RAB38: variants seen among roughly 807,000 people sequenced by gnomAD.
The protein encoded by RAB38 is ras-related protein Rab-38.
Under a neutral mutation model 18.4 loss-of-function variants are expected in RAB38, and 15 were observed. The ratio of observed to expected loss-of-function variants is 0.82; its 90% CI spans 0.55 to 1.26. RAB38 has a LOEUF of 1.26. Ranked by LOEUF, RAB38 falls within the 50% of genes most tolerant of loss-of-function variation. RAB38 has a pLI of 0.00. For synonymous variants in RAB38, 101 were observed against 104.4 expected (o/e 0.97, Z 0.20); for missense variants, 294 against 267.4 (o/e 1.10, Z -0.69).
chr11:88,091,479 A>T, the RAB38 span, among the ~76,000 whole-genome samples: 1 of 151,862 alleles, frequency 6.6e-6, no homozygotes, highest in Non-Finnish European at 1.5e-5. Context: ...ACCATCTCTC[A>T]CCAATTGCCA....
the RAB38 span, among the ~76,000 whole-genome samples, chr11:88,103,685 A>G: frequency 6.6e-6 from 1 of 152,166 alleles, no homozygotes; most frequent in Non-Finnish European, 1.5e-5. Context: ...ACACTGTGCC[A>G]GTTTTCAATT....
At chr11:88,057,851 T>A in the RAB38 span, among the ~76,000 whole-genome samples, 1 of 152,080 alleles carries the variant, frequency 6.6e-6, no homozygotes. Flanking sequence ...CTCTACCCCC[T>A]GCAAAATTAC....
chr11:87,893,748 T>C, the RAB38 span, among the ~76,000 whole-genome samples: 478 of 151,742 alleles, frequency 3.2e-3, 3 homozygotes, highest in African/African-American at 0.011. Context: ...TTGGCTACTT[T>C]AGCTACTTTG....
intron 2 of RAB38, among the ~76,000 whole-genome samples, chr11:88,146,607 A>G (rs988962512): frequency 6.6e-6 from 1 of 152,228 alleles, no homozygotes; most frequent in Non-Finnish European, 1.5e-5. Context: ...TCAGAAAGTT[A>G]GCAGAGCTTT....
the RAB38 span, among the ~76,000 whole-genome samples, chr11:88,083,236 T>G: frequency 9.0e-4 from 137 of 151,988 alleles, 1 homozygote; most frequent in African/African-American, 3.2e-3. Flanking sequence ...TTATACTTTT[T>G]CCCAACTTAC....
chr11:88,088,250 G>A, the RAB38 span, among the ~76,000 whole-genome samples: 2 of 151,950 alleles, frequency 1.3e-5, no homozygotes, highest in Non-Finnish European at 2.9e-5. Flanking sequence ...TCCACCCACA[G>A]CATCAATTAT....
the RAB38 span, among the ~76,000 whole-genome samples, chr11:87,915,974 T>C: frequency 6.6e-6 from 1 of 152,140 alleles, no homozygotes; most frequent in Non-Finnish European, 1.5e-5. Context: ...GCTTGGGGCC[T>C]GTTGTTAGTT....
chr11:87,854,860 T>A, the RAB38 span, among the ~76,000 whole-genome samples: 11 of 152,190 alleles, frequency 7.2e-5, no homozygotes, highest in Admixed American at 5.9e-4. Flanking sequence ...AGTGGTGTGA[T>A]CTTGGCTCAT....
the RAB38 span, among the ~76,000 whole-genome samples, chr11:88,026,561 A>G: frequency 5.3e-5 from 5 of 94,754 alleles, no homozygotes; most frequent in Non-Finnish European, 1.0e-4. Flanking sequence ...AGACTCTGTC[A>G]CAAAAAAAAA....
chr11:87,808,011 G>T, the RAB38 span, among the ~76,000 whole-genome samples: 2 of 152,192 alleles, frequency 1.3e-5, no homozygotes, highest in African/African-American at 4.8e-5. Flanking sequence ...GTGTGTTGCA[G>T]AGTCTCAGCT....
At chr11:87,946,096 C>T in the RAB38 span, among the ~76,000 whole-genome samples, 2 of 152,130 alleles carry the variant, frequency 1.3e-5, no homozygotes, top group East Asian at 1.9e-4. Context: ...TTAGCAATCT[C>T]AGTTCAATAG....
the RAB38 span, among the ~76,000 whole-genome samples, chr11:88,103,673 A>C: frequency 5.3e-5 from 8 of 152,176 alleles, 1 homozygote; most frequent in Admixed American, 3.9e-4. Flanking sequence ...ACTCTAATTA[A>C]TACACTGTGC....
chr11:88,130,502 A>T (rs1942753651), intron 2 of RAB38, among the ~76,000 whole-genome samples: 1 of 152,232 alleles, frequency 6.6e-6, no homozygotes, highest in Non-Finnish European at 1.5e-5. Context: ...CAGACTGTGG[A>T]CACAGAGAAT....
chr11:88,066,450 ATAATG>A, the RAB38 span, among the ~76,000 whole-genome samples: 64 of 152,354 alleles, frequency 4.2e-4, no homozygotes, highest in African/African-American at 1.5e-3. Context: ...GAATATTTCA[ATAATG>A]TAAAGATAAT....
At chr11:88,150,378 T>C (rs1943049851) in intron 1 of RAB38, among the ~76,000 whole-genome samples, 1 of 152,212 alleles carries the variant, frequency 6.6e-6, no homozygotes, top group East Asian at 1.9e-4. Flanking sequence ...ATGAAACATA[T>C]CCATCAGTAT....
At chr11:88,058,489 G>A in the RAB38 span, among the ~76,000 whole-genome samples, 1 of 152,240 alleles carries the variant, frequency 6.6e-6, no homozygotes, top group East Asian at 1.9e-4. Context: ...TTTTTGATCT[G>A]CATAATTGAT....
the RAB38 span, among the ~76,000 whole-genome samples, chr11:88,080,459 T>TA: frequency 1.6e-4 from 24 of 151,970 alleles, no homozygotes; most frequent in East Asian, 4.6e-3. Flanking sequence ...ATTGTTAGGG[T>TA]ATGAGTTCTT....
At chr11:88,123,163 C>T (rs529407982) in intron 2 of RAB38, among the ~76,000 whole-genome samples, 3 of 152,292 alleles carry the variant, frequency 2.0e-5, no homozygotes, top group Middle Eastern at 6.8e-3. Context: ...CCCTGACTCC[C>T]CGAGGCTGAG....
At chr11:88,166,613 A>G (rs1026312582) in intron 1 of RAB38, 2 of 152,124 alleles carry the variant, frequency 1.3e-5, no homozygotes, top group Admixed American at 6.6e-5. Flanking sequence ...TTTATATAAT[A>G]TACGCTTAAA....
Sources: gnomAD v4.1 joint callset for allele counts (sites outside exome capture counted in the v4.1 genomes callset) on GRCh38, gnomAD v4.1.1 for gene constraint, MANE v1.5 for transcripts, NCBI Gene and HGNC (gene_info 2026-07-23, HGNC 2026-07-21) for gene names.